The following TLL1 variants were observed in gnomAD, a reference collection of about 807,000 sequenced individuals.
TLL1 encodes the protein tolloid like 1, also known as tolloid-like protein 1.
In TLL1, 49 loss-of-function variants were observed where a neutral mutation model predicts 128.2. That is an observed-to-expected ratio of 0.38 (90% confidence interval 0.30 to 0.48). The LOEUF (loss-of-function observed/expected upper bound fraction) is 0.48, where lower values mean the gene tolerates loss of function less well. Among genes scored for constraint, TLL1 ranks in the 20% least tolerant of loss-of-function variants. The pLI, the probability that TLL1 is intolerant of heterozygous loss-of-function variation, is 0.96. For synonymous variants in TLL1, 454 were observed against 418.8 expected (o/e 1.08, Z -1.03); for missense variants, 1,123 against 1,242.0 (o/e 0.90, Z 1.44).
At position 166,053,639 on chromosome 4, in the gene TLL1, G is replaced by T. The variant is rs1739861902; in HGVS notation, c.1525-1437G>T. ...CTATTATTGTTAGTGTTTTGATAAG[G>T]CAGAAAACATATTTTTCTACCAACT... On this transcript the variant is annotated intron_variant, in intron 12 of 20. Transcript: ENST00000061240. Among the ~76,000 whole-genome samples the T allele has an allele frequency of 2.0e-5, 3 of 152,164 alleles. No homozygotes were observed. In the South Asian group the frequency reaches 6.2e-4, roughly 32 times the overall value.
At chr4:165,916,168 G>A (rs974039585) in intron 1 of TLL1, among the ~76,000 whole-genome samples, 5 of 152,142 alleles carry the variant, frequency 3.3e-5, no homozygotes, top group Non-Finnish European at 1.5e-5. Context: ...GAAGAACTGC[G>A]AGCTCTTGGA....
chr4:166,042,660 A>G (rs1008264766), intron 11 of TLL1, among the ~76,000 whole-genome samples: 1 of 152,232 alleles, frequency 6.6e-6, no homozygotes, highest in African/African-American at 2.4e-5. Flanking sequence ...TCTTGGCTTT[A>G]AAACCAGCTC....
At position 166,091,234 on chromosome 4, in the gene TLL1, G is replaced by A; in HGVS notation, c.2549G>A (p.Gly850Asp). 4 of 1,613,264 alleles carry A rather than the reference G, an allele frequency of 2.5e-6. No homozygotes were observed. Among genetic ancestry groups the A allele is most frequent in the Non-Finnish European group, 3.4e-6 (4 of 1,179,510 alleles). Reference sequence around the variant, plus strand: ...TCACCGATTCTTGGACGACTGTGTGGCAACAAGATACCAGATCCCCTTGTG... The same window carrying A: ...TCACCGATTCTTGGACGACTGTGTGACAACAAGATACCAGATCCCCTTGTG... The part of the protein sequence containing the change: ...EKSPILGRLC[G>D]NKIPDPLVAT... Residue 850 changes from glycine (G) to aspartate (D), a missense_variant, in exon 19 of 21, where the codon GGC becomes GAC. Physicochemically the swap from Gly to Asp is moderately conservative, Grantham distance 94. This residue lies in a region of TLL1 where 634 missense variants were observed against 672.4 expected (regional missense o/e 0.94). Transcript: ENST00000061240.
intron 1 of TLL1, among the ~76,000 whole-genome samples, chr4:165,930,291 C>A (rs185600098): frequency 2.0e-5 from 3 of 151,902 alleles, no homozygotes; most frequent in Non-Finnish European, 4.4e-5. Flanking sequence ...AGACCTTTGG[C>A]GGTAGTAGTA....
At chr4:165,955,404 T>C (rs1205586799) in intron 1 of TLL1, among the ~76,000 whole-genome samples, 2 of 152,040 alleles carry the variant, frequency 1.3e-5, no homozygotes, top group Non-Finnish European at 2.9e-5. Flanking sequence ...CTAGTCTCAC[T>C]AGAGAGGGCA....
At chr4:166,030,240 T>C (rs1489950288) in intron 9 of TLL1, among the ~76,000 whole-genome samples, 2 of 152,148 alleles carry the variant, frequency 1.3e-5, no homozygotes, top group African/African-American at 4.8e-5. Context: ...TTCTGATGAC[T>C]AGTGAACATC....
chr4:166,073,720 T>C (rs76664304), intron 16 of TLL1, among the ~76,000 whole-genome samples: 11,229 of 152,216 alleles, frequency 0.074, 775 homozygotes, highest in African/African-American at 0.18. Context: ...AAAATAGATG[T>C]ACCTTTAAAA....
intron 7 of TLL1, among the ~76,000 whole-genome samples, chr4:166,008,689 A>C (rs1210986666): frequency 1.3e-5 from 2 of 151,624 alleles, no homozygotes; most frequent in Non-Finnish European, 1.5e-5. Context: ...TTCATTCTAA[A>C]GATGATGTCA....
At chr4:165,938,665 C>T (rs2110918952) in intron 1 of TLL1, among the ~76,000 whole-genome samples, 1 of 152,066 alleles carries the variant, frequency 6.6e-6, no homozygotes, top group East Asian at 1.9e-4. Flanking sequence ...ATTTAACTGC[C>T]ACACAGTCAT....
intron 10 of TLL1, among the ~76,000 whole-genome samples, chr4:166,040,865 T>C (rs1739205236): frequency 6.6e-6 from 1 of 152,208 alleles, no homozygotes; most frequent in African/African-American, 2.4e-5. Flanking sequence ...ACATTTTTCA[T>C]ACACTAAAAC....
At chr4:166,075,391 T>G (rs1400240124) in intron 17 of TLL1, among the ~76,000 whole-genome samples, 1 of 152,208 alleles carries the variant, frequency 6.6e-6, no homozygotes, top group Non-Finnish European at 1.5e-5. Flanking sequence ...ATCTTGTGCA[T>G]GTGCTACATA....
chr4:165,999,722 C>T (rs1307719801), intron 5 of TLL1, among the ~76,000 whole-genome samples: 1 of 151,862 alleles, frequency 6.6e-6, no homozygotes. Context: ...GATCCACCTG[C>T]CTCAGCCTCC....
At chr4:166,030,630 T>C (rs1205531793) in intron 9 of TLL1, 2 of 716,626 alleles carry the variant, frequency 2.8e-6, no homozygotes, top group African/African-American at 3.7e-5. Context: ...ATGAGTTCTA[T>C]AGTTTTACAG....
intron 5 of TLL1, among the ~76,000 whole-genome samples, chr4:165,995,803 A>T (rs1272406228): frequency 6.6e-6 from 1 of 152,166 alleles, no homozygotes; most frequent in African/African-American, 2.4e-5. Flanking sequence ...ATAGGAAAGG[A>T]TATAAACTCA....
chr4:165,930,683 A>G (rs956766839), intron 1 of TLL1, among the ~76,000 whole-genome samples: 2 of 152,188 alleles, frequency 1.3e-5, no homozygotes, highest in African/African-American at 4.8e-5. Flanking sequence ...TGCAATTGAG[A>G]TCAGTTCTCT....
intron 1 of TLL1, among the ~76,000 whole-genome samples, chr4:165,907,400 A>T (rs563021198): frequency 6.6e-6 from 1 of 152,292 alleles, no homozygotes; most frequent in East Asian, 1.9e-4. Context: ...ATTTTATTTT[A>T]CTAGGTATGT....
intron 1 of TLL1, among the ~76,000 whole-genome samples, chr4:165,928,598 T>G (rs1202268955): frequency 6.6e-6 from 1 of 152,224 alleles, no homozygotes; most frequent in Non-Finnish European, 1.5e-5. Flanking sequence ...GTCTCGAACA[T>G]GCAGATCACT....
At chr4:166,051,520 A>G (rs922048893) in intron 12 of TLL1, among the ~76,000 whole-genome samples, 3 of 152,162 alleles carry the variant, frequency 2.0e-5, no homozygotes, top group Non-Finnish European at 2.9e-5. Flanking sequence ...AATTTGATGT[A>G]GCTCAAGAAA....
rs1730594141 is a variant in TLL1, at chr4:165,873,739, G to A, written c.-166G>A. The A allele has an allele frequency of 8.8e-6, 6 of 681,418 alleles. No homozygotes were observed. The East Asian group carries it at 1.6e-4, about 18-fold the overall frequency. The allele number at this position is 681,418 out of a possible 1,614,324, so 42.2% of individuals were successfully genotyped here. A position where few individuals can be genotyped will look rare whatever the true frequency, so the allele number is the denominator to read the frequency against. On this transcript the variant is annotated 5_prime_UTR_variant, in exon 1 of 21. Coordinates refer to ENST00000061240, the MANE Select transcript of TLL1 (RefSeq NM_012464.5). Reference sequence around the variant, plus strand: ...ACAGGCAGTGCTTGCCCTCTCTACTGTCCCGGCGGCATCCACATGTTTCCG... The same window carrying A: ...ACAGGCAGTGCTTGCCCTCTCTACTATCCCGGCGGCATCCACATGTTTCCG...
Sources: allele counts gnomAD v4.1 joint callset (sites outside exome capture counted in the v4.1 genomes callset), GRCh38; gene constraint gnomAD v4.1.1; regional missense constraint gnomAD v4.1.1; transcripts MANE v1.5; gene names NCBI Gene and HGNC (gene_info 2026-07-23, HGNC 2026-07-21).